The following GREB1L variants were observed in gnomAD, a reference collection of about 807,000 sequenced individuals.
GREB1L encodes the protein GREB1-like protein.
Under a neutral mutation model 200.8 loss-of-function variants are expected in GREB1L, and 17 were observed. The ratio of observed to expected loss-of-function variants is 0.08; its 90% confidence interval spans 0.06 to 0.13. GREB1L has a LOEUF of 0.13. Among genes scored for constraint, GREB1L ranks in the 10% least tolerant of loss-of-function variants. The probability of loss-of-function intolerance (pLI) is 1.00; values close to 1 mark genes in which losing one functional copy is unlikely to be tolerated. For missense variants in GREB1L, 1,657 were observed against 2,367.7 expected (o/e 0.70, Z 6.23); for synonymous variants, 789 against 893.0 (o/e 0.88, Z 2.08).
At chr18:21,446,160 G>A (rs1341237946) in intron 11 of GREB1L, among the ~76,000 whole-genome samples, 1 of 152,168 alleles carries the variant, frequency 6.6e-6, no homozygotes, top group African/African-American at 2.4e-5. Flanking sequence ...GAGTAGCTGG[G>A]ACTACAGGCG....
At chr18:21,482,470 G>A (rs2145780490) in intron 17 of GREB1L, among the ~76,000 whole-genome samples, 1 of 152,212 alleles carries the variant, frequency 6.6e-6, no homozygotes, top group East Asian at 1.9e-4. Context: ...TGTTGGCCAG[G>A]TTGGTCTTGA....
intron 1 of GREB1L, among the ~76,000 whole-genome samples, chr18:21,290,814 G>A: frequency 8.0e-6 from 1 of 124,448 alleles, no homozygotes. Flanking sequence ...AACAGAGCAA[G>A]ACTCTGTCTC....
At chr18:21,401,517 G>A (rs1484382799) in intron 6 of GREB1L, among the ~76,000 whole-genome samples, 191 bp downstream of exon 6, 1 of 152,172 alleles carries the variant, frequency 6.6e-6, no homozygotes, top group Non-Finnish European at 1.5e-5. Context: ...GACAATTCAA[G>A]TTTAGGAAAG....
intron 5 of GREB1L, among the ~76,000 whole-genome samples, chr18:21,399,546 G>A (rs1281700323): frequency 2.0e-5 from 3 of 152,022 alleles, no homozygotes; most frequent in South Asian, 4.2e-4. Context: ...TAGTGACCTA[G>A]ACAGCCACTG....
At chr18:21,307,077 A>T (rs1288206027) in intron 1 of GREB1L, among the ~76,000 whole-genome samples, 3 of 152,236 alleles carry the variant, frequency 2.0e-5, no homozygotes, top group Non-Finnish European at 4.4e-5. Flanking sequence ...CTTCAAAGTT[A>T]AGAACTTTTC....
rs1403638399 is a variant in GREB1L, at chr18:21,454,476, G to A, written c.2095G>A (p.Gly699Ser). 15 of 1,551,406 alleles carry A rather than the reference G, an allele frequency of 9.7e-6. No homozygotes were observed. The highest frequency in any genetic ancestry group is 2.7e-5 in the African/African-American group (2 of 73,004). ...CAGTGGCAGCCAGAGCCTGGACCTC[G>A]GTCACTTCAGCAAAGTAGACTTCAT... ...ADSGSQSLDL[G>S]HFSKVDFIII... Residue 699 changes from glycine (G) to serine (S), a missense_variant, in exon 15 of 33, where the codon GGT becomes AGT. This residue lies in a region of GREB1L where 239 missense variants were observed against 421.8 expected (regional missense o/e 0.57). Transcript: ENST00000424526.
intron 17 of GREB1L, among the ~76,000 whole-genome samples, chr18:21,481,674 A>G (rs2035929526): frequency 6.6e-6 from 1 of 151,966 alleles, no homozygotes; most frequent in Non-Finnish European, 1.5e-5. Context: ...GGGTAACACT[A>G]TTCTGGCCTT....
At chr18:21,264,406 A>T (rs938734920) in intron 1 of GREB1L, among the ~76,000 whole-genome samples, 3 of 152,136 alleles carry the variant, frequency 2.0e-5, no homozygotes, top group African/African-American at 7.2e-5. Flanking sequence ...TTCGATGCTA[A>T]TAAGGTCTCA....
intron 16 of GREB1L, among the ~76,000 whole-genome samples, chr18:21,474,687 C>T (rs2035616022): frequency 6.6e-6 from 1 of 152,154 alleles, no homozygotes; most frequent in Admixed American, 6.5e-5. Flanking sequence ...GCACAGGGCC[C>T]ACCCCAAAAA....
At chr18:21,369,060 T>A (rs2039777049) in intron 2 of GREB1L, among the ~76,000 whole-genome samples, 1 of 152,248 alleles carries the variant, frequency 6.6e-6, no homozygotes, top group Non-Finnish European at 1.5e-5. Flanking sequence ...CTATACTTTT[T>A]AAAGCATCAG....
At chr18:21,356,043 GT>G (rs1292541021) in intron 1 of GREB1L, among the ~76,000 whole-genome samples, 12 of 141,594 alleles carry the variant, frequency 8.5e-5, no homozygotes, top group Non-Finnish European at 1.8e-4. Context: ...CTGGAGTGCA[GT>G]GGTGCAATCT....
chr18:21,452,474 C>T (rs1313376847), intron 14 of GREB1L: 3 of 390,160 alleles, frequency 7.7e-6, no homozygotes, highest in East Asian at 9.3e-5. Context: ...TCTCTTTTTT[C>T]TCTGAAAGAT....
At chr18:21,506,094 G>C in intron 25 of GREB1L, 145 bp downstream of exon 25, 1 of 920,820 alleles carries the variant, frequency 1.1e-6, no homozygotes. Flanking sequence ...GCCACTCATT[G>C]GTGAGAAAAA....
intron 15 of GREB1L, among the ~76,000 whole-genome samples, chr18:21,465,650 G>A (rs1340756805): frequency 1.3e-5 from 2 of 152,156 alleles, no homozygotes; most frequent in African/African-American, 4.8e-5. Context: ...AGAATGTGAA[G>A]TTAAAATAGT....
chr18:21,370,880 C>T (rs533876536), intron 2 of GREB1L, among the ~76,000 whole-genome samples: 40 of 152,090 alleles, frequency 2.6e-4, no homozygotes, highest in Non-Finnish European at 4.6e-4. Context: ...GGGTTCGAGA[C>T]CAGCCTTGCC....
chr18:21,505,825 C>A lies in GREB1L; in HGVS notation c.4244C>A (p.Ser1415Tyr), dbSNP rs1389981975. The change falls in exon 25 of 33, where the codon TCC (serine) becomes TAC (tyrosine). Residue 1415 changes from serine to tyrosine, a missense_variant. Coordinates refer to ENST00000424526, the MANE Select transcript of GREB1L (RefSeq NM_001142966.3). ...TTATACACAGAAGTGATAAAGGAATCCAAAGTTGAAGAGCCCAGGAAACGG... is the reference window on the plus strand; with the variant it reads ...TTATACACAGAAGTGATAAAGGAATACAAAGTTGAAGAGCCCAGGAAACGG... Reference protein sequence around the residue: ...AGVKQEVIKESKVEEPRKRET... With the variant: ...AGVKQEVIKEYKVEEPRKRET... 1 of 1,551,502 alleles carries A rather than the reference C, an allele frequency of 6.4e-7. No homozygotes were observed. Among genetic ancestry groups the A allele is most frequent in the East Asian group, 2.4e-5 (1 of 40,930 alleles).
chr18:21,474,897 C>T (rs576447435), intron 16 of GREB1L, among the ~76,000 whole-genome samples: 1 of 152,220 alleles, frequency 6.6e-6, no homozygotes, highest in South Asian at 2.1e-4. Flanking sequence ...TATCAGATCT[C>T]ATGAGACTTT....
At chr18:21,450,920 A>G (rs1261186479) in intron 12 of GREB1L, 103 bp from the exon 13 acceptor site, 4 of 1,185,434 alleles carry the variant, frequency 3.4e-6, no homozygotes, top group African/African-American at 1.5e-5. Flanking sequence ...CCAAGTCCCT[A>G]TAGTGACATC....
At chr18:21,328,182 C>A (rs576243398) in intron 1 of GREB1L, among the ~76,000 whole-genome samples, 1 of 152,246 alleles carries the variant, frequency 6.6e-6, no homozygotes, top group Non-Finnish European at 1.5e-5. Flanking sequence ...CCATTGCCCC[C>A]CCCCGTTCCC....
Sources: gnomAD v4.1 joint callset for allele counts (sites outside exome capture counted in the v4.1 genomes callset) on GRCh38, gnomAD v4.1.1 for gene constraint, gnomAD v4.1.1 regional missense constraint, MANE v1.5 for transcripts, NCBI Gene and HGNC (gene_info 2026-07-23, HGNC 2026-07-21) for gene names.